Variants in SGCD observed in about 807,000 individuals in gnomAD.
SGCD encodes delta-sarcoglycan.
A neutral mutation model predicts 36.6 loss-of-function variants in SGCD; 18 were observed. That is an observed-to-expected ratio of 0.49 (90% CI 0.34 to 0.73). The LOEUF (loss-of-function observed/expected upper bound fraction) is 0.73. SGCD is among the 30% of genes least tolerant of loss of function. SGCD has a pLI of 0.01. For synonymous variants in SGCD, 133 were observed against 130.6 expected (o/e 1.02, Z -0.12); for missense variants, 387 against 346.7 (o/e 1.12, Z -0.92).
chr5:156,639,465 G>A lies in SGCD; in HGVS notation c.503-7999G>A, dbSNP rs529978276. On this transcript the variant is annotated intron_variant, in intron 6 of 8. Coordinates refer to ENST00000337851, the MANE Select transcript of SGCD (RefSeq NM_000337.6). Reference sequence around the variant, plus strand: ...TGCACCTCTGTGCAGCCTGTGCCACGCAGCAGGCTGGTGCCTATATAAAAG... The same window carrying A: ...TGCACCTCTGTGCAGCCTGTGCCACACAGCAGGCTGGTGCCTATATAAAAG... Among the ~76,000 whole-genome samples, 9 of 152,252 alleles carry A rather than the reference G, an allele frequency of 5.9e-5. No homozygotes were observed. In the South Asian group the frequency reaches 6.2e-4, roughly 11 times the overall value.
chr5:156,404,395 G>A (rs1286642348), intron 3 of SGCD, among the ~76,000 whole-genome samples: 2 of 152,216 alleles, frequency 1.3e-5, no homozygotes, highest in South Asian at 4.2e-4. Flanking sequence ...CAGAGCAAGG[G>A]GTTCACCTCT....
At chr5:155,956,358 A>G (rs535804485) in intron 1 of SGCD, among the ~76,000 whole-genome samples, 2 of 152,256 alleles carry the variant, frequency 1.3e-5, no homozygotes, top group East Asian at 3.9e-4. Context: ...ACTGAGTTTT[A>G]AAAAATCAGA....
intron 1 of SGCD, among the ~76,000 whole-genome samples, chr5:156,105,743 T>C (rs544606412): frequency 6.6e-6 from 1 of 152,096 alleles, no homozygotes; most frequent in African/African-American, 2.4e-5. Flanking sequence ...TTTAGGACAG[T>C]GTGAAGACAC....
chr5:155,896,259 T>C (rs548183185), intron 1 of SGCD, among the ~76,000 whole-genome samples: 1 of 152,276 alleles, frequency 6.6e-6, no homozygotes, highest in African/African-American at 2.4e-5. Flanking sequence ...TGGTAGTGTA[T>C]TAGTAGTATT....
At chr5:156,562,814 C>T (rs549942987) in intron 4 of SGCD, among the ~76,000 whole-genome samples, 1 of 150,902 alleles carries the variant, frequency 6.6e-6, no homozygotes, top group Admixed American at 6.6e-5. Flanking sequence ...TAAATATATA[C>T]ATATAATAAT....
intron 2 of SGCD, among the ~76,000 whole-genome samples, chr5:156,330,001 A>AGCTT (rs1488043608): frequency 7.2e-6 from 1 of 139,484 alleles, no homozygotes; most frequent in East Asian, 2.1e-4. Flanking sequence ...TGGGCGACAG[A>AGCTT]GCAAGATTCA....
the SGCD span, among the ~76,000 whole-genome samples, chr5:155,846,653 G>T: frequency 3.1e-4 from 47 of 152,108 alleles, no homozygotes; most frequent in Admixed American, 2.0e-3. Flanking sequence ...TATTCACTTA[G>T]CCTATAAACC....
Position 156,109,801 on chromosome 5 carries a change from A to G in SGCD, c.-281-8077A>G, listed in dbSNP as rs1389928193. Among the ~76,000 whole-genome samples, 6 of 152,064 alleles carry G rather than the reference A, an allele frequency of 3.9e-5. No homozygotes were observed. In the East Asian group the frequency reaches 9.7e-4, roughly 25 times the overall value. On this transcript the variant is annotated intron_variant, in intron 1 of 9. Transcript: ENST00000517913. ...TGTCTTGTACTTACTTTCCTAATCC[A>G]TTTACTGCCCTATGTCTGACTCATT...
chr5:156,419,251 A>T (rs1773191548), intron 3 of SGCD, among the ~76,000 whole-genome samples: 2 of 152,214 alleles, frequency 1.3e-5, no homozygotes, highest in Non-Finnish European at 2.9e-5. Context: ...CCCCTTAAAC[A>T]GCAAGAGATG....
At chr5:156,176,178 A>T (rs911080597) in intron 3 of SGCD, among the ~76,000 whole-genome samples, 1 of 151,920 alleles carries the variant, frequency 6.6e-6, no homozygotes, top group African/African-American at 2.4e-5. Flanking sequence ...GATCATGGCC[A>T]CAGTACTTGC....
chr5:156,582,630 A>AT (rs895947949), intron 4 of SGCD, among the ~76,000 whole-genome samples: 1 of 152,016 alleles, frequency 6.6e-6, no homozygotes, highest in African/African-American at 2.4e-5. Flanking sequence ...ATATATCAGT[A>AT]TTTTTTTTCT....
the SGCD span, among the ~76,000 whole-genome samples, chr5:155,826,700 T>G: frequency 6.6e-6 from 1 of 152,238 alleles, no homozygotes; most frequent in Non-Finnish European, 1.5e-5. Flanking sequence ...GTTATGTTAC[T>G]CAATTATTCA....
At chr5:156,291,412 A>C (rs921583822) in intron 3 of SGCD, among the ~76,000 whole-genome samples, 20 of 152,134 alleles carry the variant, frequency 1.3e-4, no homozygotes, top group Admixed American at 8.5e-4. Context: ...AAAATAATGA[A>C]TCAATAAAAT....
chr5:156,747,302 CA>C (rs1756981273), intron 7 of SGCD, among the ~76,000 whole-genome samples: 1 of 152,152 alleles, frequency 6.6e-6, no homozygotes, highest in Non-Finnish European at 1.5e-5. Flanking sequence ...CGCATTACCC[CA>C]AAACTTAGCA....
chr5:156,103,565 C>A (rs1193229728), intron 1 of SGCD, among the ~76,000 whole-genome samples: 2 of 151,926 alleles, frequency 1.3e-5, no homozygotes, highest in Non-Finnish European at 2.9e-5. Flanking sequence ...TTCCCACAGA[C>A]CAATAGACCG....
rs192061185 is a variant in SGCD, at chr5:156,539,194, C to T, written c.294+30492C>T. 2.1e-3 allele frequency among the ~76,000 whole-genome samples: 321 copies of T among 152,046 alleles called. 1 individual carries two copies. The highest frequency in any genetic ancestry group is 3.6e-3 in the Non-Finnish European group (245 of 67,950). On this transcript the variant is annotated intron_variant, in intron 4 of 8. Coordinates refer to ENST00000337851, the MANE Select transcript of SGCD (RefSeq NM_000337.6). The stretch of plus-strand genomic sequence containing the variant: ...GTGTCTGGACTAGGCACACTTGGGT[C>T]TCCCTCTTTACATGAGTTGCAACTC...
chr5:156,167,132 C>T (rs2127620517), intron 3 of SGCD, among the ~76,000 whole-genome samples: 1 of 152,266 alleles, frequency 6.6e-6, no homozygotes, highest in South Asian at 2.1e-4. Context: ...CTTCCCAGTT[C>T]TCTCTCAGCT....
At chr5:156,539,407 C>A (rs917554173) in intron 4 of SGCD, among the ~76,000 whole-genome samples, 1 of 150,960 alleles carries the variant, frequency 6.6e-6, no homozygotes, top group African/African-American at 2.4e-5. Flanking sequence ...TATCCCTCAC[C>A]CCCTTCCATC....
intron 3 of SGCD, among the ~76,000 whole-genome samples, chr5:156,423,217 ATATAATATATTG>A (rs1773436464): frequency 2.0e-5 from 2 of 99,374 alleles, no homozygotes; most frequent in African/African-American, 4.5e-5. Flanking sequence ...TTATAATATA[ATATAATATATTG>A]TATTATATTA....
Sources: gnomAD v4.1 joint callset for allele counts (sites outside exome capture counted in the v4.1 genomes callset) on GRCh38, gnomAD v4.1.1 for gene constraint, MANE v1.5 for transcripts, NCBI Gene and HGNC (gene_info 2026-07-23, HGNC 2026-07-21) for gene names.